Variants in PRDM16 observed in about 807,000 individuals in gnomAD.
PRDM16 encodes PR/SET domain 16, also known as histone-lysine N-methyltransferase PRDM16.
In PRDM16, 23 loss-of-function variants were observed where a neutral mutation model predicts 110.6. That is an observed-to-expected ratio of 0.21 (90% confidence interval 0.15 to 0.29). PRDM16 has a LOEUF of 0.29. Among genes scored for constraint, PRDM16 ranks in the 10% least tolerant of loss-of-function variants. PRDM16 has a pLI of 1.00. For missense variants in PRDM16, 1,615 were observed against 1,794.3 expected (o/e 0.90, Z 1.81); for synonymous variants, 799 against 781.8 (o/e 1.02, Z -0.37).
rs139408732 is a variant in PRDM16, at chr1:3,246,712, G to A, written c.438+2575G>A. 7.9e-5 allele frequency among the ~76,000 whole-genome samples: 12 copies of A among 152,286 alleles called. No homozygotes were observed. In the East Asian group the frequency reaches 1.9e-3, roughly 25 times the overall value. ...AACACCGTCAGCGTCTGGAGGATTCGAGTGTTTGCCAAGGCCATGCTGGTG... is the reference window on the plus strand; with the variant it reads ...AACACCGTCAGCGTCTGGAGGATTCAAGTGTTTGCCAAGGCCATGCTGGTG... On this transcript the variant is annotated intron_variant, in intron 3 of 16. Transcript: ENST00000270722. This position sits in a 1 kb window ranked among gnomAD's most constrained non-coding sequence, Gnocchi z 5.2.
intron 2 of PRDM16, chr1:3,207,055 A>C (rs571489654): frequency 6.6e-6 from 1 of 152,376 alleles, no homozygotes; most frequent in African/African-American, 2.4e-5. Context: ...CAGAGGAGAC[A>C]CAGCTGTGGC....
At position 3,434,225 on chromosome 1, in the gene PRDM16, T is replaced by A. The variant is rs183316098; in HGVS notation, c.*414T>A. ...AAGAGAGAGATCACTCAAATGATTT[T>A]TATAATGAAATGACAAGAATAACCC... is the stretch of plus-strand genomic sequence containing the variant. On this transcript the variant is annotated 3_prime_UTR_variant, in exon 17 of 17. Coordinates refer to ENST00000270722, the MANE Select transcript of PRDM16 (RefSeq NM_022114.4). 160 of 243,246 alleles carry A rather than the reference T, an allele frequency of 6.6e-4. No homozygotes were observed. Among genetic ancestry groups the A allele is most frequent in the Middle Eastern group, 2.4e-3 (2 of 828 alleles). 15.1% of individuals were successfully genotyped at this position (243,246 alleles called of 1,614,324 possible). A position where few individuals can be genotyped will look rare whatever the true frequency, so the allele number is the denominator to read the frequency against.
chr1:3,197,699 C>T (rs550210422), intron 2 of PRDM16, among the ~76,000 whole-genome samples: 1 of 152,120 alleles, frequency 6.6e-6, no homozygotes, highest in African/African-American at 2.4e-5. Flanking sequence ...GTGGGGAGGG[C>T]GGCCCCTCCT....
At chr1:3,219,145 T>C (rs1341530550) in intron 2 of PRDM16, among the ~76,000 whole-genome samples, 2 of 152,216 alleles carry the variant, frequency 1.3e-5, no homozygotes, top group East Asian at 3.9e-4. Flanking sequence ...CAACACAGCC[T>C]CACGGTGCAC....
chr1:3,340,974 A>T (rs1642258823), intron 3 of PRDM16, among the ~76,000 whole-genome samples: 1 of 152,066 alleles, frequency 6.6e-6, no homozygotes, highest in Non-Finnish European at 1.5e-5. Context: ...ACCCCAGCGC[A>T]CCTTCCCTCG....
intron 3 of PRDM16, among the ~76,000 whole-genome samples, chr1:3,250,822 TTC>T (rs1442288940): frequency 6.6e-5 from 10 of 152,318 alleles, no homozygotes; most frequent in African/African-American, 2.2e-4. Context: ...GAGCCTGGGC[TTC>T]TCTCTGACCC....
Position 3,244,159 on chromosome 1 carries a change from C to T in PRDM16, c.438+22C>T, listed in dbSNP as rs374276668. 13 of 1,612,238 alleles carry T rather than the reference C, an allele frequency of 8.1e-6. No homozygotes were observed. Among genetic ancestry groups the T allele is most frequent in the African/African-American group, 5.3e-5 (4 of 74,916 alleles). ...AAAGGTAGGAGAGCTCGCCCTGCGCCGTCTCAGCTCCCCAGCGTCCTCGGA... is the reference window on the plus strand; with the variant it reads ...AAAGGTAGGAGAGCTCGCCCTGCGCTGTCTCAGCTCCCCAGCGTCCTCGGA... On this transcript the variant is annotated intron_variant, in intron 3 of 16. Coordinates refer to ENST00000270722, the MANE Select transcript of PRDM16 (RefSeq NM_022114.4). This position sits in a 1 kb window ranked among gnomAD's most constrained non-coding sequence, Gnocchi z 4.1.
intron 1 of PRDM16, among the ~76,000 whole-genome samples, chr1:3,176,598 C>G (rs529935822): frequency 6.6e-6 from 1 of 150,848 alleles, no homozygotes; most frequent in South Asian, 2.1e-4. Context: ...TTCTGTCCAT[C>G]CATCCATCAT....
intron 1 of PRDM16, among the ~76,000 whole-genome samples, chr1:3,153,942 G>T (rs1390780456): frequency 2.0e-5 from 3 of 152,194 alleles, no homozygotes; most frequent in African/African-American, 7.2e-5. Flanking sequence ...TGTTACCAGG[G>T]AGGCTTCCTT....
At chr1:3,137,478 C>T (rs1460424970) in intron 1 of PRDM16, among the ~76,000 whole-genome samples, 1 of 152,224 alleles carries the variant, frequency 6.6e-6, no homozygotes, top group Admixed American at 6.5e-5. Flanking sequence ...AACATTCCAG[C>T]AGCAGCACCC....
intron 1 of PRDM16, among the ~76,000 whole-genome samples, chr1:3,173,110 G>C (rs1027258647): frequency 1.3e-5 from 2 of 152,206 alleles, no homozygotes; most frequent in African/African-American, 4.8e-5. Context: ...CCGCCCAGAT[G>C]CTGCTTAGCG....
In PRDM16 at chr1:3,290,348, G is replaced by A. The variant is rs1254934679; in HGVS notation, c.438+46211G>A. ...TTCCATGCTCAAAATGGCTGGAAGA[G>A]GAGAGCCTCTCAGTATCCCCACCTT... On this transcript the variant is annotated intron_variant, in intron 3 of 16. Coordinates refer to ENST00000270722, the MANE Select transcript of PRDM16 (RefSeq NM_022114.4). This position sits in a 1 kb window ranked among gnomAD's most constrained non-coding sequence, Gnocchi z 4.8. Among the ~76,000 whole-genome samples, 1 of 152,202 alleles carries A rather than the reference G, an allele frequency of 6.6e-6. No homozygotes were observed. The highest frequency in any genetic ancestry group is 1.5e-5 in the Non-Finnish European group (1 of 68,036).
intron 2 of PRDM16, among the ~76,000 whole-genome samples, chr1:3,195,225 C>G (rs759155726): frequency 6.6e-6 from 1 of 152,294 alleles, no homozygotes; most frequent in South Asian, 2.1e-4. Flanking sequence ...CCGGCAGTGC[C>G]GTGGAGGAGT....
intron 1 of PRDM16, among the ~76,000 whole-genome samples, chr1:3,124,695 G>A (rs1390523523): frequency 2.0e-5 from 3 of 152,202 alleles, no homozygotes; most frequent in Non-Finnish European, 4.4e-5. Context: ...GGTGTATCTG[G>A]GCTTGCATCC....
chr1:3,172,795 G>T (rs1295986520), intron 1 of PRDM16, among the ~76,000 whole-genome samples: 1 of 152,224 alleles, frequency 6.6e-6, no homozygotes, highest in Non-Finnish European at 1.5e-5. Context: ...TGGGGGAGGG[G>T]ATGGAGAGTG....
In PRDM16 at chr1:3,194,704, G is replaced by GCCACACGCCACCGTCTCCCCA. The variant is rs1638418174; in HGVS notation, c.387+8250_387+8251insACCACACGCCACCGTCTCCCC. On this transcript the variant is annotated intron_variant, in intron 2 of 16. Coordinates refer to ENST00000270722, the MANE Select transcript of PRDM16 (RefSeq NM_022114.4). The stretch of plus-strand genomic sequence containing the variant: ...GATCGCCACACGCCATCGTCTCCCC[G>GCCACACGCCACCGTCTCCCCA]CCACACGCCACCGTCTCCCCGCCAC... 3.2e-4 allele frequency among the ~76,000 whole-genome samples: 46 copies of GCCACACGCCACCGTCTCCCCA among 145,806 alleles called. No homozygotes were observed. In the South Asian group the frequency reaches 9.9e-3, roughly 31 times the overall value.
At chr1:3,312,535 C>T (rs997058462) in intron 3 of PRDM16, among the ~76,000 whole-genome samples, 1 of 152,212 alleles carries the variant, frequency 6.6e-6, no homozygotes, top group African/African-American at 2.4e-5. Context: ...CTGTGGGATA[C>T]ATCAGGAGCC....
Position 3,434,004 on chromosome 1 carries a change from C to T in PRDM16, c.*193C>T. On this transcript the variant is annotated 3_prime_UTR_variant, in exon 17 of 17. Transcript: ENST00000270722. Reference sequence around the variant, plus strand: ...AGTCCCTAAAGCAGTCGTAGAGTCTCACCATCTCCAAGGATTGGTCTTGAG... The same window carrying T: ...AGTCCCTAAAGCAGTCGTAGAGTCTTACCATCTCCAAGGATTGGTCTTGAG... The T allele has an allele frequency of 1.7e-6, 1 of 602,344 alleles. No homozygotes were observed. Among genetic ancestry groups the T allele is most frequent in the Admixed American group, 3.2e-5 (1 of 31,618 alleles). 37.3% of individuals were successfully genotyped at this position (602,344 alleles called of 1,614,324 possible).
At chr1:3,298,650 T>C (rs1018539972) in intron 3 of PRDM16, among the ~76,000 whole-genome samples, 1 of 152,078 alleles carries the variant, frequency 6.6e-6, no homozygotes, top group African/African-American at 2.4e-5. Context: ...AAAGAGACTC[T>C]CCTGCTTGTT....
Sources: gnomAD v4.1 joint callset for allele counts (sites outside exome capture counted in the v4.1 genomes callset) on GRCh38, gnomAD v4.1.1 for gene constraint, Gnocchi (gnomAD v3.1) non-coding constraint, MANE v1.5 for transcripts, NCBI Gene and HGNC (gene_info 2026-07-23, HGNC 2026-07-21) for gene names.